NUP85: variants seen among roughly 807,000 people sequenced by gnomAD.
NUP85 encodes nuclear pore complex protein Nup85.
A neutral mutation model predicts 92.8 loss-of-function variants in NUP85; 23 were observed. The observed-to-expected ratio is 0.25, with a 90% CI of 0.18 to 0.35. The LOEUF (loss-of-function observed/expected upper bound fraction) is 0.35. Among genes scored for constraint, NUP85 ranks in the 10% least tolerant of loss-of-function variants. The pLI, the probability that NUP85 is intolerant of heterozygous loss-of-function variation, is 1.00. For missense variants in NUP85, 759 were observed against 822.8 expected, an observed-to-expected ratio of 0.92 and a Z score of 0.95; for synonymous variants, 314 against 306.9, an observed-to-expected ratio of 1.02 and a Z score of -0.24.
intron 11 of NUP85, among the ~76,000 whole-genome samples, chr17:75,230,217 A>G (rs896939160): frequency 6.6e-6 from 1 of 151,064 alleles, no homozygotes; most frequent in Non-Finnish European, 1.5e-5. Flanking sequence ...TAACTTTTGT[A>G]TTTTTGGTGG....
At chr17:75,230,788 C>T (rs1009244818) in intron 11 of NUP85, among the ~76,000 whole-genome samples, 4 of 152,088 alleles carry the variant, frequency 2.6e-5, no homozygotes, top group Admixed American at 2.0e-4. Flanking sequence ...GGTGTGGTAG[C>T]GCATGCCTGT....
In NUP85 at chr17:75,235,083, C is replaced by T. The variant is rs756455184; in HGVS notation, c.1768-17C>T. ...CAGGGCTGGGGGCAGCCAAGCAAGGCAGGCTCTCTTCCCTAGGTGATTTTC... is the reference window on the plus strand; with the variant it reads ...CAGGGCTGGGGGCAGCCAAGCAAGGTAGGCTCTCTTCCCTAGGTGATTTTC... On this transcript the variant is annotated splice_polypyrimidine_tract_variant and intron_variant, in intron 17 of 18. Transcript: ENST00000245544. 2.1e-5 allele frequency: 34 copies of T among 1,602,144 alleles called. No individual in the cohort carries two copies. The highest frequency in any genetic ancestry group is 2.7e-5 in the Non-Finnish European group (32 of 1,169,926).
At chr17:75,217,313 G>A (rs1265341661) in intron 6 of NUP85, among the ~76,000 whole-genome samples, 2 of 151,946 alleles carry the variant, frequency 1.3e-5, no homozygotes, top group African/African-American at 4.8e-5. Context: ...GCCCATCTTG[G>A]CCTCGCAAAA....
chr17:75,211,549 C>T (rs2075261081), intron 3 of NUP85, among the ~76,000 whole-genome samples: 1 of 151,462 alleles, frequency 6.6e-6, no homozygotes, highest in Non-Finnish European at 1.5e-5. Flanking sequence ...GCCTCAGCCT[C>T]CTGAGTAGCT....
rs146327427 is a variant in NUP85, at chr17:75,230,285, C to T, written c.1095-1055C>T. On this transcript the variant is annotated intron_variant, in intron 11 of 18. Coordinates refer to ENST00000245544, the MANE Select transcript of NUP85 (RefSeq NM_024844.5). ...CTTGAACTCCTGAGCTCAAGTGATC[C>T]ACCCGCCTCGGCCTTTCAGTGTTGG... Among the ~76,000 whole-genome samples, 534 of 152,092 alleles carry T rather than the reference C, an allele frequency of 3.5e-3. 5 individuals are homozygous for T. Among genetic ancestry groups the T allele is most frequent in the East Asian group, 0.025 (127 of 5,168 alleles).
At chr17:75,213,161 T>G in intron 5 of NUP85, 42 bp downstream of exon 5, 1 of 1,599,680 alleles carries the variant, frequency 6.3e-7, no homozygotes, top group Non-Finnish European at 8.5e-7. Flanking sequence ...CACTGTGTCC[T>G]GTGTCCTGGG....
intron 4 of NUP85, among the ~76,000 whole-genome samples, chr17:75,212,824 CAG>C (rs2075316299): frequency 6.6e-6 from 1 of 151,936 alleles, no homozygotes; most frequent in African/African-American, 2.4e-5. Flanking sequence ...CTTGGCATGT[CAG>C]AGACCTTTAT....
At chr17:75,225,632 C>T in intron 9 of NUP85, 66 bp from the exon 10 acceptor site, 1 of 1,599,414 alleles carries the variant, frequency 6.3e-7, no homozygotes, top group African/African-American at 1.3e-5. Flanking sequence ...TAGCTGAGAG[C>T]AGGAGCATTA....
At chr17:75,228,423 C>T (rs933117447) in intron 11 of NUP85, 14 of 985,280 alleles carry the variant, frequency 1.4e-5, no homozygotes, top group African/African-American at 1.7e-5. Context: ...TCTCTGATCA[C>T]GAGGCTACCT....
In NUP85 at chr17:75,222,476, A is replaced by G. The variant is rs577346129; in HGVS notation, c.598-2627A>G. The stretch of plus-strand genomic sequence containing the variant: ...GAAAAGTTGGGAGTTATCAGTATGT[A>G]TATGTTTATATATTTGTGATTTTTT... On this transcript the variant is annotated intron_variant, in intron 7 of 18. Coordinates refer to ENST00000245544, the MANE Select transcript of NUP85 (RefSeq NM_024844.5). Among the ~76,000 whole-genome samples, 15 of 144,746 alleles carry G rather than the reference A, an allele frequency of 1.0e-4. No homozygotes were observed. The East Asian group carries it at 2.8e-3, about 27-fold the overall frequency. The allele number at this position is 144,746 out of a possible 152,430, so 95.0% of individuals were successfully genotyped here. A position where few individuals can be genotyped will look rare whatever the true frequency, so the allele number is the denominator to read the frequency against.
chr17:75,233,199 T>C, intron 16 of NUP85, 41 bp downstream of exon 16: 1 of 1,545,070 alleles, frequency 6.5e-7, no homozygotes, highest in East Asian at 2.2e-5. Flanking sequence ...TGGGCACAAG[T>C]GGGTAGTTGG....
chr17:75,216,606 T>C (rs187243443), intron 6 of NUP85, among the ~76,000 whole-genome samples: 2 of 152,284 alleles, frequency 1.3e-5, no homozygotes, highest in Non-Finnish European at 2.9e-5. Context: ...TATAGTGTCA[T>C]GGCCTGTATG....
At chr17:75,230,144 A>G (rs1217764221) in intron 11 of NUP85, among the ~76,000 whole-genome samples, 1 of 150,590 alleles carries the variant, frequency 6.6e-6, no homozygotes, top group African/African-American at 2.4e-5. Context: ...CCTGGGCTCA[A>G]GCGATCTTCT....
rs1263797442 is a variant in NUP85 at position 75,208,558 on chromosome 17, A to G, written c.65A>G (p.Gln22Arg). Residue 22 changes from glutamine to arginine, a missense_variant, in exon 2 of 19, where the codon CAA becomes CGA. Gln to Arg is a conservative substitution (Grantham distance 43). Coordinates refer to ENST00000245544, the MANE Select transcript of NUP85 (RefSeq NM_024844.5). ...CCAGGCGTGAATTCCAAGAAGAACC[A>G]AATGTATTTTGACTGGGGTCCAGGG... is the stretch of plus-strand genomic sequence containing the variant. ...LIPGVNSKKN[Q>R]MYFDWGPGEM... 3 of 1,607,760 alleles carry G rather than the reference A, an allele frequency of 1.9e-6. No homozygotes were observed. Among genetic ancestry groups the G allele is most frequent in the Admixed American group, 1.7e-5 (1 of 59,846 alleles).
chr17:75,228,778 G>A (rs1488786053), intron 11 of NUP85: 3 of 985,210 alleles, frequency 3.0e-6, no homozygotes, highest in East Asian at 2.3e-4. Flanking sequence ...TTCTAAGTGG[G>A]CCCCTGATTT....
In NUP85 at chr17:75,226,272, T is replaced by G; in HGVS notation, c.1094+115T>G. 11 of 733,000 alleles carry G rather than the reference T, an allele frequency of 1.5e-5. No homozygotes were observed. In the South Asian group the frequency reaches 1.8e-4, roughly 12 times the overall value. The allele number at this position is 733,000 out of a possible 1,614,324, so 45.4% of individuals were successfully genotyped here. A position where few individuals can be genotyped will look rare whatever the true frequency, so the allele number is the denominator to read the frequency against. ...CCCTTCTTCCCTCAGACCTGCTATC[T>G]TAGTCCATCTCACGCTGATATTACA... On this transcript the variant is annotated intron_variant, in intron 11 of 18. Coordinates refer to ENST00000245544, the MANE Select transcript of NUP85 (RefSeq NM_024844.5).
intron 7 of NUP85, among the ~76,000 whole-genome samples, chr17:75,218,594 T>TTTG (rs1657702131): frequency 7.3e-6 from 1 of 137,180 alleles, no homozygotes; most frequent in Non-Finnish European, 1.6e-5. Context: ...AACCGTTTTT[T>TTTG]TTTTTTTTTT....
chr17:75,220,913 G>A (rs1247477886), intron 7 of NUP85, among the ~76,000 whole-genome samples: 4 of 101,408 alleles, frequency 3.9e-5, no homozygotes, highest in Admixed American at 1.3e-4. Context: ...CTGGAGTCTC[G>A]CTCTATTGCC....
At chr17:75,211,958 A>G in intron 3 of NUP85, 34 bp from the exon 4 acceptor site, 1 of 1,516,908 alleles carries the variant, frequency 6.6e-7, no homozygotes. Flanking sequence ...AAGATGTTCC[A>G]GGCTCATCTT....
Sources: allele counts gnomAD v4.1 joint callset (sites outside exome capture counted in the v4.1 genomes callset), GRCh38; gene constraint gnomAD v4.1.1; transcripts MANE v1.5; gene names NCBI Gene and HGNC (gene_info 2026-07-23, HGNC 2026-07-21).